The following PPARGC1A variants were observed in gnomAD, a reference collection of about 807,000 sequenced individuals.
The protein encoded by PPARGC1A is peroxisome proliferator-activated receptor gamma coactivator 1-alpha.
In PPARGC1A, 25 loss-of-function variants were observed where a neutral mutation model predicts 88.7. The observed-to-expected ratio is 0.28, with a 90% CI of 0.21 to 0.39. The LOEUF is 0.39. Among genes scored for constraint, PPARGC1A ranks in the 10% least tolerant of loss-of-function variants. The pLI is 1.00. For missense variants in PPARGC1A, 880 were observed against 968.7 expected, an observed-to-expected ratio of 0.91 and a Z score of 1.22; for synonymous variants, 363 against 355.6, an observed-to-expected ratio of 1.02 and a Z score of -0.24.
At chr4:23,829,033 T>C (rs934665189) in intron 4 of PPARGC1A, among the ~76,000 whole-genome samples, 3 of 152,248 alleles carry the variant, frequency 2.0e-5, no homozygotes, top group Admixed American at 2.0e-4. Flanking sequence ...AGCTGAATTA[T>C]GGCATTGCCA....
the PPARGC1A span, among the ~76,000 whole-genome samples, chr4:23,920,000 A>G: frequency 6.6e-6 from 1 of 152,226 alleles, no homozygotes; most frequent in Non-Finnish European, 1.5e-5. Context: ...GTGAGAGGCT[A>G]TGAAAAAAGC....
At chr4:24,135,877 T>C in the PPARGC1A span, among the ~76,000 whole-genome samples, 3 of 152,216 alleles carry the variant, frequency 2.0e-5, no homozygotes, top group Non-Finnish European at 4.4e-5. Flanking sequence ...ATCGCTATCA[T>C]GGGAGTAACC....
chr4:23,930,309 A>C, the PPARGC1A span, among the ~76,000 whole-genome samples: 1 of 152,202 alleles, frequency 6.6e-6, no homozygotes, highest in African/African-American at 2.4e-5. Flanking sequence ...ACTCAAGGGC[A>C]GAAAATAAAT....
chr4:24,224,641 C>T, the PPARGC1A span, among the ~76,000 whole-genome samples: 2 of 152,168 alleles, frequency 1.3e-5, no homozygotes, highest in Non-Finnish European at 2.9e-5. Context: ...GACAAAACTC[C>T]ATGCCCTTGA....
the PPARGC1A span, among the ~76,000 whole-genome samples, chr4:24,291,898 C>T: frequency 1.3e-5 from 2 of 152,024 alleles, no homozygotes; most frequent in Admixed American, 1.3e-4. Context: ...TAAGTGAATT[C>T]GAAGAGAAAA....
At chr4:23,853,862 G>C (rs1468865594) in intron 2 of PPARGC1A, among the ~76,000 whole-genome samples, 1 of 152,168 alleles carries the variant, frequency 6.6e-6, no homozygotes, top group African/African-American at 2.4e-5. Context: ...TCTACAGTCA[G>C]ACTGCCTGGG....
chr4:24,080,237 C>T, the PPARGC1A span, among the ~76,000 whole-genome samples: 1 of 152,086 alleles, frequency 6.6e-6, no homozygotes, highest in African/African-American at 2.4e-5. Flanking sequence ...GGGAGTTGTA[C>T]TGTTTTTCCA....
the PPARGC1A span, among the ~76,000 whole-genome samples, chr4:24,065,264 C>A: frequency 6.6e-6 from 1 of 152,112 alleles, no homozygotes; most frequent in Non-Finnish European, 1.5e-5. Flanking sequence ...GCTTGGCCAG[C>A]ATCTAGGTGA....
the PPARGC1A span, among the ~76,000 whole-genome samples, chr4:24,465,600 C>T: frequency 2.0e-5 from 3 of 152,324 alleles, no homozygotes; most frequent in Admixed American, 6.5e-5. Flanking sequence ...CAATGCAAGC[C>T]TTGCACTTTT....
chr4:24,442,722 G>T, the PPARGC1A span, among the ~76,000 whole-genome samples: 1 of 152,208 alleles, frequency 6.6e-6, no homozygotes, highest in African/African-American at 2.4e-5. Context: ...GACAGTAAAG[G>T]TGTGGAATTA....
At chr4:23,867,395 G>A (rs574503823) in intron 2 of PPARGC1A, among the ~76,000 whole-genome samples, 2 of 152,276 alleles carry the variant, frequency 1.3e-5, no homozygotes, top group African/African-American at 4.8e-5. Flanking sequence ...TGATAAATGG[G>A]TCAGTTTAAG....
chr4:24,386,542 A>C, the PPARGC1A span, among the ~76,000 whole-genome samples: 1 of 152,194 alleles, frequency 6.6e-6, no homozygotes, highest in African/African-American at 2.4e-5. Flanking sequence ...ACTTCAGCAA[A>C]TTCTCAGGCT....
At chr4:24,441,343 TC>T in the PPARGC1A span, among the ~76,000 whole-genome samples, 1 of 152,212 alleles carries the variant, frequency 6.6e-6, no homozygotes, top group African/African-American at 2.4e-5. Flanking sequence ...TCCTTTCATT[TC>T]CCCTTCTGAT....
chr4:24,179,462 G>C, the PPARGC1A span, among the ~76,000 whole-genome samples: 1 of 151,938 alleles, frequency 6.6e-6, no homozygotes, highest in African/African-American at 2.4e-5. Context: ...GGCTCAAAAG[G>C]TCTTGCACTC....
the PPARGC1A span, among the ~76,000 whole-genome samples, chr4:24,343,306 AG>A: frequency 6.6e-6 from 1 of 152,326 alleles, no homozygotes; most frequent in African/African-American, 2.4e-5. Context: ...CAGTATTAAA[AG>A]GTGGTGCCTT....
At chr4:24,072,161 T>C in the PPARGC1A span, among the ~76,000 whole-genome samples, 2 of 147,566 alleles carry the variant, frequency 1.4e-5, no homozygotes, top group African/African-American at 2.4e-5. Context: ...ATATTTTATT[T>C]TTATATTATT....
chr4:23,970,265 C>G, the PPARGC1A span, among the ~76,000 whole-genome samples: 4 of 152,282 alleles, frequency 2.6e-5, no homozygotes, highest in East Asian at 7.7e-4. Context: ...AACCAAATGA[C>G]GCAAGCAAAA....
chr4:23,890,390 T>G (rs1717657159), upstream of PPARGC1A, among the ~76,000 whole-genome samples: 1 of 152,030 alleles, frequency 6.6e-6, no homozygotes, highest in Admixed American at 6.6e-5. Flanking sequence ...TTTAATTTAT[T>G]TTCCTTCCAA....
the PPARGC1A span, among the ~76,000 whole-genome samples, chr4:24,053,009 A>G: frequency 6.8e-3 from 1,011 of 148,794 alleles, 11 homozygotes; most frequent in African/African-American, 0.023. Context: ...GACTACAGGC[A>G]CCCGCCACCA....
Sources: allele counts gnomAD v4.1 joint callset (sites outside exome capture counted in the v4.1 genomes callset), GRCh38; gene constraint gnomAD v4.1.1; transcripts MANE v1.5; gene names NCBI Gene and HGNC (gene_info 2026-07-23, HGNC 2026-07-21).